The following PDE10A variants were observed in gnomAD, a reference collection of about 807,000 sequenced individuals.
The protein encoded by PDE10A is cAMP and cAMP-inhibited cGMP 3',5'-cyclic phosphodiesterase 10A.
Under a neutral mutation model 97.7 loss-of-function variants are expected in PDE10A, and 39 were observed. That is an observed-to-expected ratio of 0.40 (90% CI 0.31 to 0.52). PDE10A has a LOEUF of 0.52. PDE10A is among the 20% of genes least tolerant of loss of function. PDE10A has a pLI of 0.56. For missense variants in PDE10A, 731 were observed against 1,047.8 expected, an observed-to-expected ratio of 0.70 and a Z score of 4.17; for synonymous variants, 371 against 376.8, an observed-to-expected ratio of 0.98 and a Z score of 0.18.
intron 20 of PDE10A, among the ~76,000 whole-genome samples, chr6:165,336,755 CAAAAAA>C (rs776243789): frequency 3.4e-4 from 17 of 50,484 alleles, no homozygotes; most frequent in Middle Eastern, 0.012. Flanking sequence ...GACTCCGTCT[CAAAAAA>C]AAAAAAAAAA....
chr6:165,348,916 C>T (rs1447574885), intron 18 of PDE10A, among the ~76,000 whole-genome samples: 1 of 152,190 alleles, frequency 6.6e-6, no homozygotes, highest in Non-Finnish European at 1.5e-5. Context: ...GCTTCCCCGT[C>T]TGTCATAACT....
chr6:165,634,679 T>G (rs764839274), intron 1 of PDE10A, among the ~76,000 whole-genome samples: 5 of 152,074 alleles, frequency 3.3e-5, no homozygotes, highest in Non-Finnish European at 7.4e-5. Flanking sequence ...GGAGAAGCCA[T>G]AAATTTGACT....
intron 1 of PDE10A, among the ~76,000 whole-genome samples, chr6:165,904,123 A>G (rs943375292): frequency 2.6e-5 from 4 of 152,192 alleles, no homozygotes; most frequent in African/African-American, 9.7e-5. Context: ...CAAAGATGAA[A>G]GATATGAGAG....
chr6:165,699,265 G>A (rs1009608623), intron 1 of PDE10A, among the ~76,000 whole-genome samples: 2 of 152,142 alleles, frequency 1.3e-5, no homozygotes, highest in African/African-American at 4.8e-5. Context: ...ATTTTATAAT[G>A]ATAAGTGGTT....
chr6:165,759,269 G>A (rs1793196520), intron 1 of PDE10A, among the ~76,000 whole-genome samples: 1 of 125,558 alleles, frequency 8.0e-6, no homozygotes. Context: ...GGTTTTATAA[G>A]TTTCCTGAGC....
At chr6:165,452,704 T>C (rs1489005138) in intron 3 of PDE10A, among the ~76,000 whole-genome samples, 1 of 152,122 alleles carries the variant, frequency 6.6e-6, no homozygotes, top group Non-Finnish European at 1.5e-5. Context: ...AGATACTCTA[T>C]TACAGCAGCA....
intron 1 of PDE10A, among the ~76,000 whole-genome samples, chr6:165,586,778 C>T (rs1355353677): frequency 6.6e-6 from 1 of 152,134 alleles, no homozygotes; most frequent in African/African-American, 2.4e-5. Context: ...GAAATACCAA[C>T]TCGCTTCCTT....
chr6:165,900,391 G>C (rs1017992403), intron 1 of PDE10A, among the ~76,000 whole-genome samples: 10 of 152,094 alleles, frequency 6.6e-5, no homozygotes, highest in Non-Finnish European at 8.8e-5. Context: ...AGAATGGCTT[G>C]AACCCAGGAG....
At chr6:165,437,339 A>G (rs546258365) in intron 5 of PDE10A, among the ~76,000 whole-genome samples, 3 of 152,182 alleles carry the variant, frequency 2.0e-5, no homozygotes, top group Non-Finnish European at 4.4e-5. Flanking sequence ...TATCTTATAC[A>G]TTCCTACATT....
chr6:165,453,944 T>A (rs1777787827), intron 3 of PDE10A, among the ~76,000 whole-genome samples: 1 of 134,154 alleles, frequency 7.5e-6, no homozygotes, highest in African/African-American at 3.1e-5. Context: ...AAGTGTGGGC[T>A]GGCCCCAGCA....
chr6:165,534,047 A>T (rs1416991766), intron 2 of PDE10A, among the ~76,000 whole-genome samples: 2 of 152,080 alleles, frequency 1.3e-5, no homozygotes, highest in Non-Finnish European at 2.9e-5. Context: ...TTATGGTGGT[A>T]TGCTCATAGA....
chr6:165,535,402 G>T (rs571145645), intron 2 of PDE10A, among the ~76,000 whole-genome samples: 1 of 151,742 alleles, frequency 6.6e-6, no homozygotes, highest in African/African-American at 2.4e-5. Context: ...ACATATGCAA[G>T]ATCTATTATT....
chr6:165,954,810 C>T (rs550413595), intron 1 of PDE10A, among the ~76,000 whole-genome samples: 139 of 152,230 alleles, frequency 9.1e-4, no homozygotes, highest in Middle Eastern at 3.4e-3. Flanking sequence ...CCCATGGCTA[C>T]CTCTGTGTGC....
At chr6:165,409,350 T>C (rs979925661) in intron 13 of PDE10A, among the ~76,000 whole-genome samples, 1 of 151,734 alleles carries the variant, frequency 6.6e-6, no homozygotes, top group Admixed American at 6.6e-5. Flanking sequence ...AGTTCGAGAA[T>C]AGCCTGGCCA....
At chr6:165,537,966 A>G (rs1783194085) in intron 2 of PDE10A, among the ~76,000 whole-genome samples, 1 of 151,910 alleles carries the variant, frequency 6.6e-6, no homozygotes, top group Non-Finnish European at 1.5e-5. Context: ...CACTTACTAA[A>G]CCTTCCAACA....
chr6:165,897,190 G>A (rs1781975767), intron 1 of PDE10A, among the ~76,000 whole-genome samples: 1 of 152,174 alleles, frequency 6.6e-6, no homozygotes, highest in Non-Finnish European at 1.5e-5. Flanking sequence ...AACCTGCAGT[G>A]TTTGGAAGTG....
chr6:165,514,145 G>A (rs1781661284), intron 2 of PDE10A, among the ~76,000 whole-genome samples: 1 of 152,052 alleles, frequency 6.6e-6, no homozygotes, highest in Non-Finnish European at 1.5e-5. Context: ...AATCCCACTT[G>A]TCCATACTGT....
At chr6:165,411,980 T>C (rs1479932750) in intron 13 of PDE10A, among the ~76,000 whole-genome samples, 1 of 152,110 alleles carries the variant, frequency 6.6e-6, no homozygotes, top group Non-Finnish European at 1.5e-5. Flanking sequence ...CGAACAGTTA[T>C]ATTAACTATT....
chr6:165,769,814 C>T (rs187161680), intron 1 of PDE10A, among the ~76,000 whole-genome samples: 6 of 152,172 alleles, frequency 3.9e-5, no homozygotes, highest in Non-Finnish European at 7.4e-5. Flanking sequence ...CTAAGCTGCC[C>T]ACTTACCTGG....
Sources: gnomAD v4.1 joint callset for allele counts (sites outside exome capture counted in the v4.1 genomes callset) on GRCh38, gnomAD v4.1.1 for gene constraint, MANE v1.5 for transcripts, NCBI Gene and HGNC (gene_info 2026-07-23, HGNC 2026-07-21) for gene names.